The following SLC48A1 variants were observed in gnomAD, a reference collection of about 807,000 sequenced individuals.
SLC48A1 encodes heme transporter HRG1.
A neutral mutation model predicts 14.8 loss-of-function variants in SLC48A1; 6 were observed. That is an observed-to-expected ratio of 0.41 (90% CI 0.22 to 0.80). The LOEUF (loss-of-function observed/expected upper bound fraction) is 0.80, where lower values mean the gene tolerates loss of function less well. Ranked by LOEUF, SLC48A1 falls within the 30% of genes least tolerant of loss-of-function variation. The probability of loss-of-function intolerance (pLI) is 0.34; values close to 1 mark genes in which losing one functional copy is unlikely to be tolerated. For missense variants in SLC48A1, 165 were observed against 204.8 expected, an observed-to-expected ratio of 0.81 and a Z score of 1.19; for synonymous variants, 89 against 90.0, an observed-to-expected ratio of 0.99 and a Z score of 0.06.
chr12:47,762,041 G>A (rs534563988), intron 2 of SLC48A1, among the ~76,000 whole-genome samples: 1 of 152,116 alleles, frequency 6.6e-6, no homozygotes, highest in South Asian at 2.1e-4. Context: ...CTATAAAGGG[G>A]GAAAAACTCA....
upstream of SLC48A1, chr12:47,756,560 C>T (rs991363478): frequency 6.6e-6 from 1 of 152,200 alleles, no homozygotes; most frequent in African/African-American, 2.4e-5. Context: ...AGGAGCCCCT[C>T]ATCTTGGTAG....
Position 47,782,436 on chromosome 12 carries a change from C to G in SLC48A1, c.*2155C>G, listed in dbSNP as rs1942910111. 6.6e-6 allele frequency: 1 copy of G among 152,176 alleles called. No individual in the cohort carries two copies. Among genetic ancestry groups the G allele is most frequent in the Non-Finnish European group, 1.5e-5 (1 of 68,082 alleles). The allele number at this position is 152,176 out of a possible 1,614,324, so 9.4% of individuals were successfully genotyped here. On this transcript the variant is annotated 3_prime_UTR_variant, in exon 3 of 3. Transcript: ENST00000442218. ...GAGCTCCTGTATTCCCACTCCCCCA[C>G]CCCACCCCCACTCCTGCCATATCAG... is the stretch of plus-strand genomic sequence containing the variant.
At chr12:47,758,219 G>A (rs1279025290), upstream of SLC48A1, 1 of 1,436,692 alleles carries the variant, frequency 7.0e-7, no homozygotes, top group Non-Finnish European at 9.1e-7. Context: ...GCCAGGAGCT[G>A]GGGGGAGGAA....
At chr12:47,762,909 G>A (rs891760400) in intron 2 of SLC48A1, among the ~76,000 whole-genome samples, 3 of 152,222 alleles carry the variant, frequency 2.0e-5, no homozygotes, top group Non-Finnish European at 2.9e-5. Context: ...GAACTTTGCT[G>A]TAAACTGGAG....
At chr12:47,759,026 T>G in intron 1 of SLC48A1, 1 of 988,038 alleles carries the variant, frequency 1.0e-6, no homozygotes, top group Non-Finnish European at 1.2e-6. Context: ...TGGCAGGCTT[T>G]GGAGTCCGCA....
rs748157974 is a variant in SLC48A1 at position 47,780,459 on chromosome 12, T to C, written c.*178T>C. 6 of 979,844 alleles carry C rather than the reference T, an allele frequency of 6.1e-6. No individual in the cohort carries two copies. In the South Asian group the frequency reaches 7.7e-5, roughly 13 times the overall value. 60.7% of individuals were successfully genotyped at this position (979,844 alleles called of 1,614,324 possible). A position where few individuals can be genotyped will look rare whatever the true frequency, so the allele number is the denominator to read the frequency against. The stretch of plus-strand genomic sequence containing the variant: ...CTGCCCGTCCCCTTTCGAGGAAACC[T>C]GAGTGTGGTAGAGAGGGGATCCTGC... On this transcript the variant is annotated 3_prime_UTR_variant, in exon 3 of 3. Transcript: ENST00000442218.
At chr12:47,761,386 G>C (rs1321814467) in intron 2 of SLC48A1, among the ~76,000 whole-genome samples, 3 of 152,162 alleles carry the variant, frequency 2.0e-5, no homozygotes, top group African/African-American at 7.2e-5. Context: ...CCCCTCTCTG[G>C]GGAGATTGAG....
intron 1 of SLC48A1, chr12:47,758,823 C>T: frequency 8.2e-7 from 1 of 1,220,572 alleles, no homozygotes; most frequent in Non-Finnish European, 1.0e-6. Flanking sequence ...CCCGAGCCTG[C>T]GCCTTCGTCT....
intron 2 of SLC48A1, among the ~76,000 whole-genome samples, chr12:47,764,511 C>T (rs1942467413): frequency 6.6e-6 from 1 of 152,176 alleles, no homozygotes; most frequent in African/African-American, 2.4e-5. Context: ...AAGAGGGGTC[C>T]TAGCAGGGCC....
intron 2 of SLC48A1, among the ~76,000 whole-genome samples, chr12:47,762,488 G>A (rs148283285): frequency 8.5e-5 from 13 of 152,264 alleles, no homozygotes; most frequent in Non-Finnish European, 1.8e-4. Flanking sequence ...CCACCAAGTC[G>A]GCTTGATTCA....
chr12:47,758,551 C>T, upstream of SLC48A1: 1 of 1,613,944 alleles, frequency 6.2e-7, no homozygotes. Context: ...CCTTACCCAC[C>T]TTCATGTTTC....
intron 1 of SLC48A1, among the ~76,000 whole-genome samples, chr12:47,759,552 A>G (rs1304903372): frequency 7.7e-6 from 1 of 129,816 alleles, no homozygotes; most frequent in Non-Finnish European, 1.7e-5. Context: ...GTGTTCGAGT[A>G]CCACGCCCCC....
At chr12:47,766,022 C>A (rs1418615041) in intron 2 of SLC48A1, among the ~76,000 whole-genome samples, 1 of 152,180 alleles carries the variant, frequency 6.6e-6, no homozygotes, top group Non-Finnish European at 1.5e-5. Flanking sequence ...TTGTCCAACC[C>A]TTCCTCTTCC....
chr12:47,757,502 T>C (rs1942145945), upstream of SLC48A1, among the ~76,000 whole-genome samples: 1 of 152,100 alleles, frequency 6.6e-6, no homozygotes, highest in Non-Finnish European at 1.5e-5. Flanking sequence ...TAACCAAGCT[T>C]ACCTCACTCC....
intron 1 of SLC48A1, among the ~76,000 whole-genome samples, chr12:47,776,994 G>A (rs1374995640): frequency 6.6e-6 from 1 of 152,154 alleles, no homozygotes; most frequent in Non-Finnish European, 1.5e-5. Context: ...GAGGGCGAGG[G>A]GACCTGTTCC....
chr12:47,780,121 C>T (rs1942834923), intron 2 of SLC48A1, 24 bp from the exon 3 acceptor site: 1 of 1,532,998 alleles, frequency 6.5e-7, no homozygotes, highest in Non-Finnish European at 8.8e-7. Flanking sequence ...GCCAAAGTCA[C>T]TGTCGGTACT....
At chr12:47,773,682 C>T (rs1443286548) in intron 1 of SLC48A1, among the ~76,000 whole-genome samples, 1 of 152,110 alleles carries the variant, frequency 6.6e-6, no homozygotes, top group Non-Finnish European at 1.5e-5. Flanking sequence ...CCGCCACTGC[C>T]GGCTGCACAG....
chr12:47,772,059 AAAT>A (rs1228820983), upstream of SLC48A1: 2 of 154,752 alleles, frequency 1.3e-5, no homozygotes, highest in African/African-American at 2.4e-5. Flanking sequence ...CAGAACTGTA[AAAT>A]AATAATAAGT....
chr12:47,763,648 G>A (rs1284681365), intron 2 of SLC48A1, among the ~76,000 whole-genome samples: 1 of 152,170 alleles, frequency 6.6e-6, no homozygotes, highest in African/African-American at 2.4e-5. Flanking sequence ...CCTGGGGTGG[G>A]GGGCAGCGGC....
Sources: gnomAD v4.1 joint callset for allele counts (sites outside exome capture counted in the v4.1 genomes callset) on GRCh38, gnomAD v4.1.1 for gene constraint, MANE v1.5 for transcripts, NCBI Gene and HGNC (gene_info 2026-07-23, HGNC 2026-07-21) for gene names.